Variants in CUX1 observed in about 807,000 individuals in gnomAD.
CUX1 encodes cut like homeobox 1.
A neutral mutation model predicts 158.8 loss-of-function variants in CUX1; 31 were observed. The observed-to-expected ratio is 0.20, with a 90% CI of 0.15 to 0.26. CUX1 has a LOEUF of 0.26. Ranked by LOEUF, CUX1 falls within the 10% of genes least tolerant of loss-of-function variation. CUX1 has a pLI of 1.00. For missense variants in CUX1, 1,589 were observed against 2,014.6 expected (o/e 0.79, Z 4.04); for synonymous variants, 879 against 862.1 (o/e 1.02, Z -0.34).
At chr7:102,281,998 C>G (rs782046176) in intron 21 of CUX1, 6 of 1,029,724 alleles carry the variant, frequency 5.8e-6, no homozygotes, top group Non-Finnish European at 9.1e-6. Context: ...GGGCCTGTTA[C>G]GGTGGCCTGG....
intron 20 of CUX1, among the ~76,000 whole-genome samples, chr7:102,208,121 G>A (rs1796134122): frequency 6.6e-6 from 1 of 152,182 alleles, no homozygotes; most frequent in South Asian, 2.1e-4. Flanking sequence ...CCAGGAGGTC[G>A]AGGCTGCAGT....
chr7:101,921,609 C>G (rs1250180736), intron 2 of CUX1, among the ~76,000 whole-genome samples: 1 of 152,000 alleles, frequency 6.6e-6, no homozygotes, highest in African/African-American at 2.4e-5. Flanking sequence ...TACACGTACC[C>G]GTCACCATGC....
At chr7:101,921,373 A>T (rs888576222) in intron 2 of CUX1, among the ~76,000 whole-genome samples, 1 of 152,204 alleles carries the variant, frequency 6.6e-6, no homozygotes, top group African/African-American at 2.4e-5. Context: ...CTCACCGTGT[A>T]ACTCATGAGA....
chr7:102,014,182 G>A (rs1012101057), intron 2 of CUX1, among the ~76,000 whole-genome samples: 1 of 152,102 alleles, frequency 6.6e-6, no homozygotes, highest in Admixed American at 6.6e-5. Flanking sequence ...ACAAGAGACC[G>A]ACCTCTGTGG....
chr7:102,112,731 C>T (rs1167883924), intron 7 of CUX1, among the ~76,000 whole-genome samples: 2 of 151,962 alleles, frequency 1.3e-5, no homozygotes, highest in African/African-American at 4.8e-5. Flanking sequence ...CCATAATACC[C>T]GCCTAATTTT....
At chr7:101,969,028 TAAAC>T (rs1328464963) in intron 2 of CUX1, among the ~76,000 whole-genome samples, 1 of 151,768 alleles carries the variant, frequency 6.6e-6, no homozygotes, top group Non-Finnish European at 1.5e-5. Context: ...TACTGAGAGT[TAAAC>T]AAACAGGCAC....
At chr7:101,904,898 C>G (rs1802586182) in intron 1 of CUX1, among the ~76,000 whole-genome samples, 2 of 152,078 alleles carry the variant, frequency 1.3e-5, no homozygotes, top group Admixed American at 1.3e-4. Flanking sequence ...AACATGGGCA[C>G]GTAATCTTTA....
chr7:101,816,737 G>A (rs1184897643), upstream of CUX1, among the ~76,000 whole-genome samples: 1 of 144,800 alleles, frequency 6.9e-6, no homozygotes, highest in Non-Finnish European at 1.5e-5. Context: ...GCCGGCTCGG[G>A]GGAGGGTCAG....
chr7:102,221,828 A>G lies in CUX1; in HGVS notation c.3131-5539A>G, dbSNP rs1039855077. On this transcript the variant is annotated intron_variant, in intron 20 of 23. Coordinates refer to ENST00000292535, the MANE Select transcript of CUX1 (RefSeq NM_181552.4). Reference sequence around the variant, plus strand: ...TTGCTGTCAAAACTGGATGGATGGTACTGTGCAGTGGGGCTTTTAAAATAT... The same window carrying G: ...TTGCTGTCAAAACTGGATGGATGGTGCTGTGCAGTGGGGCTTTTAAAATAT... Among the ~76,000 whole-genome samples the G allele has an allele frequency of 5.9e-4, 90 of 151,944 alleles. 2 individuals carry two copies. Among genetic ancestry groups the G allele is most frequent in the Non-Finnish European group, 1.9e-4 (13 of 68,012 alleles).
chr7:102,143,839 G>A (rs969189636), intron 8 of CUX1, among the ~76,000 whole-genome samples: 8 of 151,932 alleles, frequency 5.3e-5, no homozygotes, highest in Non-Finnish European at 1.0e-4. Flanking sequence ...CTGGAGTGCC[G>A]TGGTGCGATC....
At chr7:102,082,261 C>A (rs1357936276) in intron 4 of CUX1, among the ~76,000 whole-genome samples, 1 of 146,902 alleles carries the variant, frequency 6.8e-6, no homozygotes, top group African/African-American at 2.4e-5. Context: ...CACGGTGGCT[C>A]ACGCCTGTAA....
chr7:102,187,295 G>A (rs1793729361), intron 11 of CUX1, among the ~76,000 whole-genome samples: 1 of 150,784 alleles, frequency 6.6e-6, no homozygotes, highest in East Asian at 2.0e-4. Flanking sequence ...AGGAGTTCAA[G>A]ACCAGCCTGG....
rs1554519893 is a variant in CUX1 at position 102,201,852 on chromosome 7, A to G, written c.2555A>G (p.Lys852Arg). 3 of 1,612,406 alleles carry G rather than the reference A, an allele frequency of 1.9e-6. No homozygotes were observed. The highest frequency in any genetic ancestry group is 2.5e-6 in the Non-Finnish European group (3 of 1,179,888). ...GAAGAAACGGGCGGCGGGAAAGAGA[A>G]GGGCAGCGGTGGCAGCGGAGGTGGC... ...KAEETGGGKE[K>R]GSGGSGGGSQ... Residue 852 changes from lysine to arginine, a missense_variant, in exon 18 of 24, where the codon AAG becomes AGG. Lys to Arg is a conservative substitution (Grantham distance 26). Transcript: ENST00000292535. The surrounding 1 kb of genome is among the most constrained non-coding windows in gnomAD (Gnocchi z 5.0).
At chr7:101,831,885 G>A (rs1794070472) in intron 1 of CUX1, among the ~76,000 whole-genome samples, 1 of 151,580 alleles carries the variant, frequency 6.6e-6, no homozygotes, top group South Asian at 2.1e-4. Flanking sequence ...GGAATTACAG[G>A]CATGCGCCAC....
chr7:101,876,750 TAC>T (rs971146517), intron 1 of CUX1, among the ~76,000 whole-genome samples: 1 of 151,886 alleles, frequency 6.6e-6, no homozygotes, highest in African/African-American at 2.4e-5. Context: ...AATATATATA[TAC>T]ACACACACAC....
At chr7:102,124,882 A>T (rs1709242128) in intron 8 of CUX1, among the ~76,000 whole-genome samples, 1 of 151,798 alleles carries the variant, frequency 6.6e-6, no homozygotes, top group African/African-American at 2.4e-5. Context: ...CCTGGGTTCA[A>T]GCAATTTTTA....
chr7:102,216,655 T>A (rs112099067), intron 20 of CUX1, among the ~76,000 whole-genome samples: 286 of 16,014 alleles, frequency 0.018, 4 homozygotes, highest in African/African-American at 0.034. Flanking sequence ...ACACACACAC[T>A]CTCCCACACA....
At chr7:102,119,366 C>T (rs1283933901) in intron 8 of CUX1, among the ~76,000 whole-genome samples, 1 of 152,180 alleles carries the variant, frequency 6.6e-6, no homozygotes. Flanking sequence ...GAGCAGTCAT[C>T]GCCATGCGTC....
At chr7:102,070,704 G>C (rs1039862317) in intron 4 of CUX1, among the ~76,000 whole-genome samples, 2 of 152,186 alleles carry the variant, frequency 1.3e-5, no homozygotes, top group Non-Finnish European at 2.9e-5. Flanking sequence ...AACCCTGCAC[G>C]TACTGCAGAG....
Sources: gnomAD v4.1 joint callset for allele counts (sites outside exome capture counted in the v4.1 genomes callset) on GRCh38, gnomAD v4.1.1 for gene constraint, Gnocchi (gnomAD v3.1) non-coding constraint, MANE v1.5 for transcripts, NCBI Gene and HGNC (gene_info 2026-07-23, HGNC 2026-07-21) for gene names.